Variants in PTPRA observed in about 807,000 individuals in gnomAD.
PTPRA encodes receptor-type tyrosine-protein phosphatase alpha.
PTPRA carries 25 observed loss-of-function variants against 104.8 expected under a neutral mutation model. The observed-to-expected ratio is 0.24, with a 90% confidence interval of 0.17 to 0.33. The LOEUF (loss-of-function observed/expected upper bound fraction) is 0.33, where lower values mean the gene tolerates loss of function less well. PTPRA is among the 10% of genes least tolerant of loss of function. PTPRA has a pLI of 1.00. For synonymous variants in PTPRA, 323 were observed against 368.9 expected, an observed-to-expected ratio of 0.88 and a Z score of 1.43; for missense variants, 765 against 1,015.3, an observed-to-expected ratio of 0.75 and a Z score of 3.35.
chr20:2,984,836 C>T (rs1052830406), intron 6 of PTPRA, among the ~76,000 whole-genome samples: 6 of 152,162 alleles, frequency 3.9e-5, no homozygotes, highest in African/African-American at 9.7e-5. Flanking sequence ...CAGATCTTTG[C>T]GTGGTTCACT....
At chr20:3,031,097 G>A (rs2065431881) in intron 20 of PTPRA, among the ~76,000 whole-genome samples, 1 of 152,090 alleles carries the variant, frequency 6.6e-6, no homozygotes, top group Non-Finnish European at 1.5e-5. Context: ...CTCCCATGCT[G>A]GGTCAACCCT....
In PTPRA at chr20:3,035,695, G is replaced by A. The variant is rs1801503017; in HGVS notation, c.2031G>A (p.Leu677=). ...ECESYTVRDL[L]VTNTRENKSR... Reference sequence around the variant, plus strand: ...AGAGCTACACCGTCCGAGACCTCCTGGTCACCAACACCAGGGTAAGATGGG... The same window carrying A: ...AGAGCTACACCGTCCGAGACCTCCTAGTCACCAACACCAGGGTAAGATGGG... Residue 677 remains leucine (L), a synonymous_variant, in exon 21 of 24, where the codon CTG becomes CTA. Transcript: ENST00000399903. The surrounding 1 kb of genome is among the most constrained non-coding windows in gnomAD (Gnocchi z 5.8). 1.2e-6 allele frequency: 2 copies of A among 1,614,070 alleles called. No homozygotes were observed. Among genetic ancestry groups the A allele is most frequent in the South Asian group, 2.2e-5 (2 of 91,088 alleles).
intron 2 of PTPRA, among the ~76,000 whole-genome samples, chr20:2,934,511 T>C (rs1207491560): frequency 6.6e-6 from 1 of 152,146 alleles, no homozygotes; most frequent in Non-Finnish European, 1.5e-5. Flanking sequence ...TGCAAATACT[T>C]GTTCATTATT....
chr20:3,004,422 C>G (rs1347725110), intron 9 of PTPRA, among the ~76,000 whole-genome samples: 1 of 152,242 alleles, frequency 6.6e-6, no homozygotes, highest in African/African-American at 2.4e-5. Flanking sequence ...GATAACCTCC[C>G]TGCACTAACT....
At chr20:3,017,249 T>C (rs1320811880) in intron 12 of PTPRA, among the ~76,000 whole-genome samples, 1 of 152,244 alleles carries the variant, frequency 6.6e-6, no homozygotes, top group Admixed American at 6.5e-5. Flanking sequence ...GGCAGAGTTA[T>C]CATTCTAAGA....
chr20:3,037,963 T>A lies in PTPRA; in HGVS notation c.2335-96T>A. 9.2e-7 allele frequency: 1 copy of A among 1,081,656 alleles called. No homozygotes were observed. Among genetic ancestry groups the A allele is most frequent in the Non-Finnish European group, 1.4e-6 (1 of 715,888 alleles). 67.0% of individuals were successfully genotyped at this position (1,081,656 alleles called of 1,614,324 possible). A position where few individuals can be genotyped will look rare whatever the true frequency, so the allele number is the denominator to read the frequency against. On this transcript the variant is annotated intron_variant, in intron 23 of 23. Coordinates refer to ENST00000399903, the MANE Select transcript of PTPRA (RefSeq NM_001385305.1). The surrounding 1 kb of genome is among the most constrained non-coding windows in gnomAD (Gnocchi z 4.3). ...TTCAAAAACATTCAGTTCCTCTTGA[T>A]TTTCCATCTTCAACAAAAAAATGAG...
At chr20:2,866,311 G>T in the PTPRA span, 1 of 1,614,034 alleles carries the variant, frequency 6.2e-7, no homozygotes, top group Non-Finnish European at 8.5e-7. Context: ...TTTGCTTCTT[G>T]TTGGGTGCGT....
At chr20:3,004,208 G>A (rs146526220) in intron 9 of PTPRA, among the ~76,000 whole-genome samples, 2,298 of 151,914 alleles carry the variant, frequency 0.015, 117 homozygotes, top group Admixed American at 0.09. Flanking sequence ...AGTAGAGACA[G>A]GGTTTCGCCT....
Position 2,925,729 on chromosome 20 carries a change from C to T in PTPRA, c.-50+2444C>T, listed in dbSNP as rs1374015837. 2.6e-5 allele frequency among the ~76,000 whole-genome samples: 4 copies of T among 152,038 alleles called. No individual in the cohort carries two copies. In the South Asian group the frequency reaches 6.2e-4, roughly 24 times the overall value. Reference sequence around the variant, plus strand: ...ACTTGGGAGGCTGAGGCAGGAGAATCGCTTGAACCTAGGAGGTAGAGGTTG... The same window carrying T: ...ACTTGGGAGGCTGAGGCAGGAGAATTGCTTGAACCTAGGAGGTAGAGGTTG... On this transcript the variant is annotated intron_variant, in intron 2 of 23. Coordinates refer to ENST00000399903, the MANE Select transcript of PTPRA (RefSeq NM_001385305.1).
chr20:2,995,028 G>A (rs985443846), intron 9 of PTPRA, among the ~76,000 whole-genome samples: 3 of 152,290 alleles, frequency 2.0e-5, no homozygotes, highest in African/African-American at 7.2e-5. Context: ...TACTCGGGAG[G>A]CTGAGGCAGG....
chr20:2,932,095 T>C (rs1384325632), intron 2 of PTPRA, among the ~76,000 whole-genome samples: 1 of 152,174 alleles, frequency 6.6e-6, no homozygotes, highest in African/African-American at 2.4e-5. Flanking sequence ...GAAGAAAAGC[T>C]AAAATTGAGT....
At chr20:2,866,218 G>T in the PTPRA span, 1 of 1,614,020 alleles carries the variant, frequency 6.2e-7, no homozygotes, top group African/African-American at 1.3e-5. Flanking sequence ...CAAGCCTTTT[G>T]TGGAGATCTG....
chr20:2,902,565 A>G (rs977458734), intron 1 of PTPRA, among the ~76,000 whole-genome samples: 46 of 152,210 alleles, frequency 3.0e-4, no homozygotes, highest in Admixed American at 6.5e-5. Context: ...GGAAAGATTG[A>G]TGCCAAGTGA....
intron 2 of PTPRA, among the ~76,000 whole-genome samples, chr20:2,943,220 C>T (rs1235773329): frequency 6.8e-6 from 1 of 147,614 alleles, no homozygotes; most frequent in Non-Finnish European, 1.5e-5. Context: ...CCCACCCCCC[C>T]CCCAGATAAG....
chr20:2,889,748 T>G (rs1426519494), intron 1 of PTPRA, among the ~76,000 whole-genome samples: 1 of 152,162 alleles, frequency 6.6e-6, no homozygotes, highest in Non-Finnish European at 1.5e-5. Context: ...GGTCAGAGAT[T>G]TGAGACTGGG....
intron 1 of PTPRA, among the ~76,000 whole-genome samples, chr20:2,913,962 A>G (rs188605881): frequency 6.6e-6 from 1 of 152,254 alleles, no homozygotes; most frequent in Admixed American, 6.5e-5. Context: ...CATCCCTTCT[A>G]CATCCATTCA....
chr20:2,875,320 G>A (rs1018736239), intron 1 of PTPRA, among the ~76,000 whole-genome samples: 3 of 152,122 alleles, frequency 2.0e-5, no homozygotes, highest in Admixed American at 6.5e-5. Flanking sequence ...AACTGTCTCT[G>A]AAAGACTAAA....
In PTPRA at chr20:3,022,123, T is replaced by G; in HGVS notation, c.1231T>G (p.Phe411Val). The part of the protein sequence containing the change: ...TQFHFTSWPD[F>V]GVPFTPIGML... ...GTTCCACTTTACCAGCTGGCCAGAC[T>G]TTGGGGTGCCTTTTACCCCGATCGG... Residue 411 changes from phenylalanine (F) to valine (V), a missense_variant, in exon 15 of 24, where the codon TTT (phenylalanine) becomes GTT (valine). Transcript: ENST00000399903. The surrounding 1 kb of genome is among the most constrained non-coding windows in gnomAD (Gnocchi z 4.6). 6.2e-7 allele frequency: 1 copy of G among 1,614,212 alleles called. No individual in the cohort carries two copies. Among genetic ancestry groups the G allele is most frequent in the Non-Finnish European group, 8.5e-7 (1 of 1,180,030 alleles).
intron 9 of PTPRA, among the ~76,000 whole-genome samples, chr20:2,989,997 A>G (rs973016636): frequency 1.3e-5 from 2 of 152,212 alleles, no homozygotes; most frequent in Non-Finnish European, 2.9e-5. Flanking sequence ...AGCCTGGGCA[A>G]CAGAGGGAGA....
Sources: allele counts gnomAD v4.1 joint callset (sites outside exome capture counted in the v4.1 genomes callset), GRCh38; gene constraint gnomAD v4.1.1; non-coding constraint Gnocchi (gnomAD v3.1); transcripts MANE v1.5; gene names NCBI Gene and HGNC (gene_info 2026-07-23, HGNC 2026-07-21).